Variants in SEM1 observed in about 807,000 individuals in gnomAD.
The protein encoded by SEM1 is 26S proteasome complex subunit SEM1.
SEM1 carries 3 observed loss-of-function variants against 12.7 expected under a neutral mutation model. The ratio of observed to expected loss-of-function variants is 0.24; its 90% CI spans 0.11 to 0.61. The LOEUF (loss-of-function observed/expected upper bound fraction) is 0.61. SEM1 is among the 20% of genes least tolerant of loss of function. SEM1 has a pLI of 0.88. For synonymous variants in SEM1, 30 were observed against 27.8 expected, an observed-to-expected ratio of 1.08 and a Z score of -0.25; for missense variants, 59 against 81.3, an observed-to-expected ratio of 0.73 and a Z score of 1.06.
At chr7:96,682,957 G>A (rs772548157) in intron 2 of SEM1, among the ~76,000 whole-genome samples, 25 of 152,144 alleles carry the variant, frequency 1.6e-4, no homozygotes, top group Non-Finnish European at 5.9e-5. Context: ...ATGAAAAAGT[G>A]CTCTTTATCA....
chr7:96,642,165 C>T (rs949301107), intron 2 of SEM1, among the ~76,000 whole-genome samples: 1 of 152,042 alleles, frequency 6.6e-6, no homozygotes, highest in Admixed American at 6.6e-5. Flanking sequence ...ACATCTAGAA[C>T]ATTTTCATCA....
intron 2 of SEM1, among the ~76,000 whole-genome samples, chr7:96,544,196 T>C (rs945659658): frequency 6.6e-6 from 1 of 152,084 alleles, no homozygotes; most frequent in African/African-American, 2.4e-5. Context: ...CTTTATTTCA[T>C]AATTTCTAGT....
intron 2 of SEM1, among the ~76,000 whole-genome samples, chr7:96,657,018 G>A (rs147285227): frequency 1.3e-3 from 204 of 152,106 alleles, no homozygotes; most frequent in African/African-American, 4.6e-3. Flanking sequence ...AAATATTGTC[G>A]TAAGCCCTTT....
At position 96,680,180 on chromosome 7, in the gene SEM1, C is replaced by A. The variant is rs77491849; in HGVS notation, c.171-6321G>T. Among the ~76,000 whole-genome samples the A allele has an allele frequency of 5.4e-3, 823 of 152,070 alleles. 5 individuals carry two copies. Among genetic ancestry groups the A allele is most frequent in the African/African-American group, 0.018 (767 of 41,494 alleles). Reference sequence around the variant, plus strand: ...CCCAGGTGGAACTGAAGTCGAATTCCCTATGGTGTAACTTGCTAGATATAC... The same window carrying A: ...CCCAGGTGGAACTGAAGTCGAATTCACTATGGTGTAACTTGCTAGATATAC... On this transcript the variant is annotated intron_variant, in intron 2 of 2. Coordinates refer to the SEM1 transcript ENST00000413065.
Position 96,613,917 on chromosome 7 carries a change from T to C in SEM1, c.170+80881A>G, listed in dbSNP as rs564134203. Reference sequence around the variant, plus strand: ...GATGAATAGTACTCCATTTTGTATCTATACCACATTTTAAAAATCCATTTG... The same window carrying C: ...GATGAATAGTACTCCATTTTGTATCCATACCACATTTTAAAAATCCATTTG... On this transcript the variant is annotated intron_variant and NMD_transcript_variant, in intron 2 of 3. Transcript: ENST00000466986. 6.6e-5 allele frequency among the ~76,000 whole-genome samples: 10 copies of C among 152,390 alleles called. No homozygotes were observed. In the South Asian group the frequency reaches 1.9e-3, roughly 28 times the overall value.
At chr7:96,704,010 C>CACACACACACACACACAT (rs1390081341) in intron 1 of SEM1, among the ~76,000 whole-genome samples, 15 of 143,828 alleles carry the variant, frequency 1.0e-4, no homozygotes, top group African/African-American at 3.8e-4. Flanking sequence ...CACACACACA[C>CACACACACACACACACAT]ATACATAAAA....
chr7:96,495,088 G>T (rs1803188132), intron 1 of SEM1, among the ~76,000 whole-genome samples: 1 of 148,332 alleles, frequency 6.7e-6, no homozygotes, highest in African/African-American at 2.5e-5. Flanking sequence ...AAGAGAGAGG[G>T]TGGGAGAATA....
At chr7:96,548,306 G>A (rs545175824) in intron 2 of SEM1, among the ~76,000 whole-genome samples, 1 of 152,008 alleles carries the variant, frequency 6.6e-6, no homozygotes, top group Non-Finnish European at 1.5e-5. Flanking sequence ...TTCCTAAGAG[G>A]AGCCAATAGT....
At chr7:96,585,476 C>G (rs971959052) in intron 2 of SEM1, among the ~76,000 whole-genome samples, 30 of 152,322 alleles carry the variant, frequency 2.0e-4, no homozygotes, top group Non-Finnish European at 2.6e-4. Context: ...AGGCCTCCTT[C>G]AGCTGTGGTG....
At chr7:96,515,934 G>A (rs915032572) in intron 2 of SEM1, among the ~76,000 whole-genome samples, 1 of 152,060 alleles carries the variant, frequency 6.6e-6, no homozygotes, top group Non-Finnish European at 1.5e-5. Flanking sequence ...TAAATGATGA[G>A]TTGATGGGTG....
At chr7:96,612,941 A>C (rs1241171637) in intron 2 of SEM1, among the ~76,000 whole-genome samples, 1 of 144,270 alleles carries the variant, frequency 6.9e-6, no homozygotes, top group Non-Finnish European at 1.5e-5. Flanking sequence ...AGCCAAATAT[A>C]GTTGTTTTTA....
chr7:96,560,711 T>A (rs960528264), intron 2 of SEM1, among the ~76,000 whole-genome samples: 31 of 152,062 alleles, frequency 2.0e-4, no homozygotes, highest in Non-Finnish European at 2.9e-4. Context: ...GTTTTTTTTT[T>A]AATTGTATTT....
chr7:96,605,390 G>T (rs1807320570), intron 2 of SEM1, among the ~76,000 whole-genome samples: 1 of 152,164 alleles, frequency 6.6e-6, no homozygotes, highest in South Asian at 2.1e-4. Flanking sequence ...TAAAAGCATA[G>T]ATTTTCAGAT....
chr7:96,500,678 A>G (rs1803499742), upstream of SEM1, among the ~76,000 whole-genome samples: 2 of 152,120 alleles, frequency 1.3e-5, no homozygotes, highest in African/African-American at 4.8e-5. Flanking sequence ...CTGCTATTCT[A>G]ACTTATCTGT....
chr7:96,650,502 C>T, intron 2 of SEM1: 1 of 756,156 alleles, frequency 1.3e-6, no homozygotes, highest in Non-Finnish European at 2.4e-6. Context: ...GGAGACAGCT[C>T]AGGGCTTTTT....
In SEM1 at chr7:96,550,919, T is replaced by C. The variant is rs181004426; in HGVS notation, c.171-44221A>G. Among the ~76,000 whole-genome samples, 73 of 152,260 alleles carry C rather than the reference T, an allele frequency of 4.8e-4. 1 individual carries two copies. The highest frequency in any genetic ancestry group is 1.7e-3 in the African/African-American group (69 of 41,538). ...TTCAGTTCATTCCTGTTTTGAAGTGTAATGGAAAGAAGAAACCCTTGCACT... is the reference window on the plus strand; with the variant it reads ...TTCAGTTCATTCCTGTTTTGAAGTGCAATGGAAAGAAGAAACCCTTGCACT... On this transcript the variant is annotated intron_variant and NMD_transcript_variant, in intron 2 of 3. Transcript: ENST00000466986.
chr7:96,600,389 AGG>A (rs1477987807), intron 2 of SEM1, among the ~76,000 whole-genome samples: 1 of 152,228 alleles, frequency 6.6e-6, no homozygotes, highest in Admixed American at 6.5e-5. Context: ...ATTTAGCAGA[AGG>A]GGAGGAACCA....
At chr7:96,613,679 A>G (rs982639518) in intron 2 of SEM1, among the ~76,000 whole-genome samples, 6 of 152,186 alleles carry the variant, frequency 3.9e-5, no homozygotes, top group Admixed American at 2.6e-4. Context: ...CATTTAGCCA[A>G]TGTCTCTCCT....
At chr7:96,624,262 G>A (rs1040044260) in intron 2 of SEM1, among the ~76,000 whole-genome samples, 1 of 152,160 alleles carries the variant, frequency 6.6e-6, no homozygotes, top group African/African-American at 2.4e-5. Flanking sequence ...AAGACAAAAA[G>A]TTAATGGTTG....
Sources: gnomAD v4.1 joint callset for allele counts (sites outside exome capture counted in the v4.1 genomes callset) on GRCh38, gnomAD v4.1.1 for gene constraint, MANE v1.5 for transcripts, NCBI Gene and HGNC (gene_info 2026-07-23, HGNC 2026-07-21) for gene names.